Variants in SGPP2 observed in about 807,000 individuals in gnomAD.
The protein encoded by SGPP2 is sphingosine 1-phosphate phosphohydrolase 2.
Under a neutral mutation model 33.9 loss-of-function variants are expected in SGPP2, and 30 were observed. The ratio of observed to expected loss-of-function variants is 0.89; its 90% CI spans 0.66 to 1.20. SGPP2 has a LOEUF of 1.20. Ranked by LOEUF, SGPP2 falls within the 50% of genes most tolerant of loss-of-function variation. The pLI is 0.00. For synonymous variants in SGPP2, 233 were observed against 225.0 expected (o/e 1.04, Z -0.32); for missense variants, 458 against 532.1 (o/e 0.86, Z 1.37).
chr2:222,509,339 T>C (rs1698490933), intron 2 of SGPP2, among the ~76,000 whole-genome samples: 1 of 152,158 alleles, frequency 6.6e-6, no homozygotes, highest in African/African-American at 2.4e-5. Flanking sequence ...CCCCAAAAGA[T>C]GTATAACTAT....
At chr2:222,450,862 T>C (rs1697475692) in intron 1 of SGPP2, among the ~76,000 whole-genome samples, 1 of 152,218 alleles carries the variant, frequency 6.6e-6, no homozygotes, top group African/African-American at 2.4e-5. Context: ...CGAACTCTGA[T>C]GAAAGCATTT....
At position 222,558,462 on chromosome 2, in the gene SGPP2, T is replaced by C; in HGVS notation, c.764T>C (p.Val255Ala). 6.2e-7 allele frequency: 1 copy of C among 1,614,168 alleles called. No individual in the cohort carries two copies. Among genetic ancestry groups the C allele is most frequent in the Non-Finnish European group, 8.5e-7 (1 of 1,180,018 alleles). ...CCCCTCTTCCCCGTGTGTGTCATAG[T>C]TGTGCCATTCTTCCTGTGTTACAAT... ...ASPLFPVCVI[V>A]VPFFLCYNYP... Residue 255 changes from valine (V) to alanine (A), a missense_variant, in exon 5 of 5, where the codon GTT becomes GCT. Coordinates refer to ENST00000321276, the MANE Select transcript of SGPP2 (RefSeq NM_152386.4).
chr2:222,513,686 G>A (rs1444187402), intron 2 of SGPP2, among the ~76,000 whole-genome samples: 1 of 152,202 alleles, frequency 6.6e-6, no homozygotes, highest in Admixed American at 6.5e-5. Flanking sequence ...AGCAGAGGGA[G>A]AGATGAGACA....
At chr2:222,474,874 A>C (rs79122199) in intron 2 of SGPP2, 148 bp downstream of exon 2, 10,118 of 703,582 alleles carry the variant, frequency 0.014, 250 homozygotes, top group South Asian at 0.078. Flanking sequence ...CTTTGGAAAA[A>C]TTAGAAAGCA....
At position 222,454,028 on chromosome 2, in the gene SGPP2, T is replaced by G. The variant is rs148154415; in HGVS notation, c.220-20540T>G. Among the ~76,000 whole-genome samples, 3 of 152,368 alleles carry G rather than the reference T, an allele frequency of 2.0e-5. No homozygotes were observed. In the East Asian group the frequency reaches 5.8e-4, roughly 29 times the overall value. ...TTTTGATAAGCGTGCTAGAGAACAT[T>G]TGGTTTATTTCCAAAAGTGTAGATG... On this transcript the variant is annotated intron_variant, in intron 1 of 4. Coordinates refer to ENST00000321276, the MANE Select transcript of SGPP2 (RefSeq NM_152386.4).
chr2:222,513,176 T>C (rs1267800500), intron 2 of SGPP2, among the ~76,000 whole-genome samples: 1 of 152,192 alleles, frequency 6.6e-6, no homozygotes, highest in East Asian at 1.9e-4. Context: ...TTCTAATAGG[T>C]GTGTAGTTGT....
chr2:222,435,018 G>GTATATACATA (rs544468214), intron 1 of SGPP2, among the ~76,000 whole-genome samples: 1 of 18,976 alleles, frequency 5.3e-5, no homozygotes, highest in Non-Finnish European at 1.4e-4. Context: ...ACACATATGT[G>GTATATACATA]TATATGTGTG....
At chr2:222,446,512 A>G (rs1400118145) in intron 1 of SGPP2, among the ~76,000 whole-genome samples, 2 of 152,236 alleles carry the variant, frequency 1.3e-5, no homozygotes, top group Non-Finnish European at 2.9e-5. Context: ...TGCATGGGTT[A>G]TATCCATCTT....
At chr2:222,459,142 C>CTTTCTTTTTTTTTTTTTTTT (rs1414316448) in intron 1 of SGPP2, among the ~76,000 whole-genome samples, 8 of 94,462 alleles carry the variant, frequency 8.5e-5, no homozygotes, top group Non-Finnish European at 1.5e-4. Flanking sequence ...TTCTTTCTTT[C>CTTTCTTTTTTTTTTTTTTTT]TTTTTTTTTT....
At chr2:222,516,296 C>A (rs935387548) in intron 2 of SGPP2, among the ~76,000 whole-genome samples, 1 of 152,176 alleles carries the variant, frequency 6.6e-6, no homozygotes, top group Non-Finnish European at 1.5e-5. Flanking sequence ...CTTGGTCTGG[C>A]TTCTCTTCAT....
chr2:222,519,750 A>G (rs1181748695), intron 2 of SGPP2, among the ~76,000 whole-genome samples: 3 of 152,188 alleles, frequency 2.0e-5, no homozygotes, highest in Non-Finnish European at 4.4e-5. Flanking sequence ...CATAGTTATA[A>G]GTGAGAACAT....
intron 2 of SGPP2, among the ~76,000 whole-genome samples, chr2:222,489,101 T>G (rs1698158582): frequency 6.6e-6 from 1 of 152,212 alleles, no homozygotes; most frequent in South Asian, 2.1e-4. Context: ...AGAGTTGATT[T>G]GTTTTATTAG....
chr2:222,551,994 A>G (rs1326930312), intron 4 of SGPP2, among the ~76,000 whole-genome samples: 1 of 152,238 alleles, frequency 6.6e-6, no homozygotes, highest in Admixed American at 6.5e-5. Flanking sequence ...TACTTCACTT[A>G]GAATACTAGT....
intron 1 of SGPP2, among the ~76,000 whole-genome samples, chr2:222,447,365 C>T (rs1697413231): frequency 6.6e-6 from 1 of 152,156 alleles, no homozygotes; most frequent in Non-Finnish European, 1.5e-5. Context: ...TGCACTATTG[C>T]CTGAGGTTTG....
intron 4 of SGPP2, among the ~76,000 whole-genome samples, chr2:222,541,631 T>C (rs894497222): frequency 1.3e-5 from 2 of 151,230 alleles, no homozygotes; most frequent in Admixed American, 1.3e-4. Flanking sequence ...TATTTATTTT[T>C]GAGATGGAGT....
At chr2:222,491,497 G>C (rs562612483) in intron 2 of SGPP2, among the ~76,000 whole-genome samples, 2 of 152,294 alleles carry the variant, frequency 1.3e-5, no homozygotes, top group South Asian at 4.1e-4. Flanking sequence ...GAGTGAGCAA[G>C]AGTAGAGGAA....
chr2:222,522,866 A>T (rs772786955), intron 3 of SGPP2, among the ~76,000 whole-genome samples: 3 of 152,092 alleles, frequency 2.0e-5, no homozygotes, highest in Non-Finnish European at 4.4e-5. Context: ...TTTTTTTTCT[A>T]GTGAAGGGGT....
At chr2:222,539,250 T>C (rs970349938) in intron 4 of SGPP2, among the ~76,000 whole-genome samples, 3 of 151,982 alleles carry the variant, frequency 2.0e-5, no homozygotes, top group Non-Finnish European at 4.4e-5. Context: ...CCCATGTGAG[T>C]CCAAAACCCA....
chr2:222,494,669 G>A (rs1020123583), intron 2 of SGPP2, among the ~76,000 whole-genome samples: 1 of 152,202 alleles, frequency 6.6e-6, no homozygotes, highest in African/African-American at 2.4e-5. Flanking sequence ...TTGGCGTGAG[G>A]CTTTCTCTAA....
Sources: allele counts gnomAD v4.1 joint callset (sites outside exome capture counted in the v4.1 genomes callset), GRCh38; gene constraint gnomAD v4.1.1; transcripts MANE v1.5; gene names NCBI Gene and HGNC (gene_info 2026-07-23, HGNC 2026-07-21).